The following RSRP1 variants were observed in gnomAD, a reference collection of about 807,000 sequenced individuals.
RSRP1 encodes the protein arginine and serine rich protein 1.
In RSRP1, 37 loss-of-function variants were observed where a neutral mutation model predicts 33.0. The ratio of observed to expected loss-of-function variants is 1.12; its 90% CI spans 0.86 to 1.48. The LOEUF (loss-of-function observed/expected upper bound fraction) is 1.48, where lower values mean the gene tolerates loss of function less well. Ranked by LOEUF, RSRP1 falls within the 40% of genes most tolerant of loss-of-function variation. The pLI is 0.00. For synonymous variants in RSRP1, 167 were observed against 158.7 expected, an observed-to-expected ratio of 1.05 and a Z score of -0.40; for missense variants, 402 against 385.3, an observed-to-expected ratio of 1.04 and a Z score of -0.36.
chr1:25,329,959 C>T (rs1375773725), intron 1 of RSRP1: 1 of 132,122 alleles, frequency 7.6e-6, no homozygotes, highest in Non-Finnish European at 1.8e-5. Context: ...CCAGCCTATA[C>T]TTCCCTTTTT....
At chr1:25,285,981 C>T (rs530159059) in intron 1 of RSRP1, among the ~76,000 whole-genome samples, 1 of 134,564 alleles carries the variant, frequency 7.4e-6, no homozygotes, top group Admixed American at 7.2e-5. Flanking sequence ...TTAACTCTTC[C>T]GGGTAGGGAT....
chr1:25,246,802 C>T lies in RSRP1; in HGVS notation c.162G>A (p.Ser54=), dbSNP rs1639463476. The T allele has an allele frequency of 1.2e-6, 2 of 1,613,504 alleles. No homozygotes were observed. The highest frequency in any genetic ancestry group is 1.7e-6 in the Non-Finnish European group (2 of 1,179,742). Residue 54 remains serine (S), a synonymous_variant, in exon 2 of 5, where the codon TCG becomes TCA. Transcript: ENST00000243189. ...RSHSRVSSRF[S]SRSRRSKSRS... is the part of the protein sequence containing the mutation. ...TGGACTTGCTCCTCCGACTCCTGGA[C>T]GAAAACCGGCTCGAGACGCGGGAAT...
chr1:25,257,880 G>C (rs752598189), intron 1 of RSRP1, among the ~76,000 whole-genome samples: 9 of 152,048 alleles, frequency 5.9e-5, no homozygotes, highest in Non-Finnish European at 1.2e-4. Flanking sequence ...CAAAGTACTG[G>C]GATTACAGGC....
chr1:25,260,820 CAG>C (rs1439054459), intron 1 of RSRP1, among the ~76,000 whole-genome samples: 1 of 147,948 alleles, frequency 6.8e-6, no homozygotes, highest in Non-Finnish European at 1.5e-5. Flanking sequence ...TTTTTTGAGA[CAG>C]AGTCTCGCTC....
intron 1 of RSRP1, chr1:25,304,331 G>A (rs561392922): frequency 8.4e-6 from 1 of 118,764 alleles, no homozygotes; most frequent in African/African-American, 2.9e-5. Context: ...GGAAAAACTG[G>A]CTGGGCGCAG....
rs1325546280 is a variant in RSRP1 at position 25,286,361 on chromosome 1, C to T, written c.-66-39332G>A. Reference sequence around the variant, plus strand: ...AAAATCAGCTAGGCGTGGTGGTGTGCACCCACAGTCCCAGCTACTTGGGAG... The same window carrying T: ...AAAATCAGCTAGGCGTGGTGGTGTGTACCCACAGTCCCAGCTACTTGGGAG... On this transcript the variant is annotated intron_variant, in intron 1 of 1. Transcript: ENST00000561867. Among the ~76,000 whole-genome samples, 13 of 134,920 alleles carry T rather than the reference C, an allele frequency of 9.6e-5. 3 individuals carry two copies. The highest frequency in any genetic ancestry group is 1.8e-4 in the Non-Finnish European group (10 of 57,008). The allele number at this position is 134,920 out of a possible 152,430, so 88.5% of individuals were successfully genotyped here. A position where few individuals can be genotyped will look rare whatever the true frequency, so the allele number is the denominator to read the frequency against.
rs1304385995 is a variant in RSRP1, at chr1:25,330,120, G to A, written c.-67+7858C>T. On this transcript the variant is annotated intron_variant, in intron 1 of 1. Transcript: ENST00000561867. ...GTGTTTAAATGCTCTTCTGAAGGCT[G>A]ATACGACAGCTCTCTGTGCACTGAT... 1.5e-5 allele frequency: 2 copies of A among 132,602 alleles called. 1 individual carries two copies. Among genetic ancestry groups the A allele is most frequent in the Non-Finnish European group, 3.6e-5 (2 of 55,986 alleles). 8.2% of individuals were successfully genotyped at this position (132,602 alleles called of 1,614,324 possible). A position where few individuals can be genotyped will look rare whatever the true frequency, so the allele number is the denominator to read the frequency against.
intron 1 of RSRP1, among the ~76,000 whole-genome samples, chr1:25,257,249 C>T (rs1291327486): frequency 1.3e-5 from 2 of 152,138 alleles, no homozygotes; most frequent in Non-Finnish European, 2.9e-5. Flanking sequence ...TAGCATTTAT[C>T]ACGCTTGTAA....
chr1:25,273,264 A>G (rs1391215983), intron 1 of RSRP1, among the ~76,000 whole-genome samples: 1 of 125,382 alleles, frequency 8.0e-6, no homozygotes, highest in African/African-American at 2.7e-5. Flanking sequence ...GCCTCCCAAG[A>G]AGCTGGGACC....
At chr1:25,243,316 AAAGG>A (rs1271859780) in intron 4 of RSRP1, among the ~76,000 whole-genome samples, 5 of 152,232 alleles carry the variant, frequency 3.3e-5, no homozygotes, top group African/African-American at 1.2e-4. Flanking sequence ...TTTCAATAAA[AAAGG>A]GGGGACACTT....
In RSRP1 at chr1:25,275,464, G is replaced by A. The variant is rs1379126278; in HGVS notation, c.-66-28435C>T. Among the ~76,000 whole-genome samples, 5 of 131,416 alleles carry A rather than the reference G, an allele frequency of 3.8e-5. 1 individual carries two copies. Among genetic ancestry groups the A allele is most frequent in the Admixed American group, 7.5e-5 (1 of 13,410 alleles). The allele number at this position is 131,416 out of a possible 152,430, so 86.2% of individuals were successfully genotyped here. A position where few individuals can be genotyped will look rare whatever the true frequency, so the allele number is the denominator to read the frequency against. On this transcript the variant is annotated intron_variant, in intron 1 of 1. Coordinates refer to the RSRP1 transcript ENST00000561867. ...GGGCTGGTGTTGGGCACAGGGAAAG[G>A]GGCATGGCTTGAGACACCAGACCAG...
chr1:25,275,957 T>G (rs1241893281), intron 1 of RSRP1, among the ~76,000 whole-genome samples: 3 of 132,750 alleles, frequency 2.3e-5, no homozygotes, highest in African/African-American at 7.7e-5. Context: ...TCTGCACGAG[T>G]TGGTTAAGCC....
upstream of RSRP1, chr1:25,338,158 C>G (rs1397107700): frequency 6.6e-6 from 1 of 152,128 alleles, no homozygotes; most frequent in Non-Finnish European, 1.5e-5. Flanking sequence ...TCTCAAATGG[C>G]GTACTCCAAA....
intron 1 of RSRP1, among the ~76,000 whole-genome samples, chr1:25,321,337 A>G (rs1344614218): frequency 1.7e-5 from 2 of 114,776 alleles, no homozygotes; most frequent in African/African-American, 6.0e-5. Flanking sequence ...TGCCATTCCC[A>G]GTTCTTTTTT....
intron 1 of RSRP1, among the ~76,000 whole-genome samples, chr1:25,323,843 A>C (rs1400869135): frequency 8.1e-6 from 1 of 124,146 alleles, no homozygotes; most frequent in Non-Finnish European, 1.8e-5. Flanking sequence ...TTATTCTGAG[A>C]ATCATCCGTG....
chr1:25,320,995 G>A (rs1364452070), intron 1 of RSRP1, among the ~76,000 whole-genome samples: 1 of 131,592 alleles, frequency 7.6e-6, no homozygotes, highest in Non-Finnish European at 1.8e-5. Context: ...AATGAGCTGT[G>A]ATTGTGCCAC....
Position 25,284,933 on chromosome 1 carries a change from G to C in RSRP1, c.-66-37904C>G, listed in dbSNP as rs1641834933. Among the ~76,000 whole-genome samples the C allele has an allele frequency of 2.2e-5, 3 of 134,782 alleles. 1 individual carries two copies. Among genetic ancestry groups the C allele is most frequent in the East Asian group, 1.9e-4 (1 of 5,170 alleles). The allele number at this position is 134,782 out of a possible 152,430, so 88.4% of individuals were successfully genotyped here. On this transcript the variant is annotated intron_variant, in intron 1 of 1. Coordinates refer to the RSRP1 transcript ENST00000561867. ...CATTGTTTAAAATTCAAATTAACTG[G>C]GCATCCTGTATTTTACTGGACAGCC... is the stretch of plus-strand genomic sequence containing the variant.
At position 25,246,744 on chromosome 1, in the gene RSRP1, A is replaced by C. The variant is rs1361220349; in HGVS notation, c.220T>G (p.Tyr74Asp). The C allele has an allele frequency of 6.2e-7, 1 of 1,609,480 alleles. No individual in the cohort carries two copies. Among genetic ancestry groups the C allele is most frequent in the Non-Finnish European group, 8.5e-7 (1 of 1,176,772 alleles). Residue 74 changes from tyrosine (Y) to aspartate (D), a missense_variant, in exon 2 of 5, where the codon TAC becomes GAC. By Grantham distance (160) the Tyr-to-Asp change is radical. Coordinates refer to ENST00000243189, the MANE Select transcript of RSRP1 (RefSeq NM_020317.5). Reference sequence around the variant, plus strand: ...GAGTATGACCGCGAGTAGCGCCTGTACTTCCGCTGGTGGCGCCTTCGGGAA... The same window carrying C: ...GAGTATGACCGCGAGTAGCGCCTGTCCTTCCGCTGGTGGCGCCTTCGGGAA... ...SRSRRRHQRK[Y>D]RRYSRSYSRS...
chr1:25,293,644 G>A (rs1319538394), intron 1 of RSRP1, among the ~76,000 whole-genome samples: 5 of 131,258 alleles, frequency 3.8e-5, no homozygotes, highest in East Asian at 1.9e-4. Flanking sequence ...TGAGATAGCA[G>A]CATTTCCTAA....
Sources: allele counts gnomAD v4.1 joint callset (sites outside exome capture counted in the v4.1 genomes callset), GRCh38; gene constraint gnomAD v4.1.1; transcripts MANE v1.5; gene names NCBI Gene and HGNC (gene_info 2026-07-23, HGNC 2026-07-21).